Variants in PIK3C2A observed in about 807,000 individuals in gnomAD.
PIK3C2A encodes phosphatidylinositol-4-phosphate 3-kinase catalytic subunit type 2 alpha, also known as phosphatidylinositol 4-phosphate 3-kinase C2 domain-containing subunit alpha.
In PIK3C2A, 97 loss-of-function variants were observed where a neutral mutation model predicts 204.5. That is an observed-to-expected ratio of 0.47 (90% confidence interval 0.40 to 0.56). The LOEUF is 0.56. Ranked by LOEUF, PIK3C2A falls within the 20% of genes least tolerant of loss-of-function variation. The pLI is 0.00. For synonymous variants in PIK3C2A, 653 were observed against 664.4 expected, an observed-to-expected ratio of 0.98 and a Z score of 0.26; for missense variants, 1,735 against 1,969.2, an observed-to-expected ratio of 0.88 and a Z score of 2.25.
At chr11:17,126,446 C>A (rs925694498) in intron 13 of PIK3C2A, among the ~76,000 whole-genome samples, 1 of 152,108 alleles carries the variant, frequency 6.6e-6, no homozygotes, top group African/African-American at 2.4e-5. Flanking sequence ...AATGAAATGC[C>A]TTTGAGTCAT....
chr11:17,169,381 G>GCCT lies in PIK3C2A; in HGVS notation c.360_361insAGG (p.Thr120_Pro121insArg). The GCCT allele has an allele frequency of 1.2e-6, 2 of 1,614,044 alleles. No homozygotes were observed. Among genetic ancestry groups the GCCT allele is most frequent in the Non-Finnish European group, 1.7e-6 (2 of 1,179,980 alleles). ...GCTGAAAAGGAAGGGCTCAGAATAG[G>GCCT]AGTAACTGGTAATACAGGTGTTTTT... is the stretch of plus-strand genomic sequence containing the variant. On this transcript the variant is annotated inframe_insertion, in exon 2 of 33. Transcript: ENST00000691414.
At chr11:17,109,254 T>C (rs889966446) in intron 22 of PIK3C2A, among the ~76,000 whole-genome samples, 13 of 152,252 alleles carry the variant, frequency 8.5e-5, no homozygotes, top group Non-Finnish European at 1.8e-4. Context: ...TTACAACTTT[T>C]AGAGCTTTCA....
intron 8 of PIK3C2A, among the ~76,000 whole-genome samples, chr11:17,137,283 T>A (rs772518024): frequency 9.2e-5 from 14 of 152,148 alleles, no homozygotes; most frequent in African/African-American, 1.2e-4. Context: ...TACCCTGTAG[T>A]CCTCGGAGCC....
intron 11 of PIK3C2A, among the ~76,000 whole-genome samples, chr11:17,133,404 C>A (rs1436884273): frequency 6.6e-6 from 1 of 151,966 alleles, no homozygotes; most frequent in African/African-American, 2.4e-5. Flanking sequence ...CTACTGAATC[C>A]CCGGTACTAA....
intron 20 of PIK3C2A, among the ~76,000 whole-genome samples, chr11:17,112,998 T>A (rs553548551): frequency 5.9e-5 from 9 of 151,848 alleles, no homozygotes; most frequent in African/African-American, 2.2e-4. Context: ...CACATGAGAA[T>A]TGCTTTTTCA....
chr11:17,205,663 G>C (rs1852545934), intron 1 of PIK3C2A, among the ~76,000 whole-genome samples: 1 of 152,104 alleles, frequency 6.6e-6, no homozygotes, highest in Non-Finnish European at 1.5e-5. Context: ...TTGTGCTACA[G>C]AAAGAGTCCT....
At chr11:17,094,199 C>A in intron 28 of PIK3C2A, 62 bp downstream of exon 28, 1 of 1,298,468 alleles carries the variant, frequency 7.7e-7, no homozygotes, top group Non-Finnish European at 1.1e-6. Context: ...AAGCTTTCTA[C>A]CTACATTTGA....
rs150999201 is a variant in PIK3C2A, at chr11:17,122,197, G to A, written c.2648C>T (p.Ser883Leu). The change falls in exon 15 of 33, where the codon TCA becomes TTA. Residue 883 changes from serine to leucine, a missense_variant. Transcript: ENST00000691414. ...AATAAACAGAACATACCCAAGTGAT[G>A]AGTCTTTATGAAGAATATCAAGAAG... is the stretch of plus-strand genomic sequence containing the variant. ...GKLLDILHKD[S>L]SLGLSKEDKA... 1.3e-6 allele frequency: 2 copies of A among 1,581,576 alleles called. No homozygotes were observed. The highest frequency in any genetic ancestry group is 2.2e-5 in the East Asian group (1 of 44,492).
At chr11:17,155,387 G>GTGGTT in intron 3 of PIK3C2A, 139 bp downstream of exon 3, 1 of 538,356 alleles carries the variant, frequency 1.9e-6, no homozygotes, top group African/African-American at 1.9e-5. Flanking sequence ...TTGTGATAAC[G>GTGGTT]TGCCAATTAA....
intron 11 of PIK3C2A, among the ~76,000 whole-genome samples, chr11:17,133,679 G>C (rs971318485): frequency 6.6e-6 from 1 of 152,084 alleles, no homozygotes; most frequent in Non-Finnish European, 1.5e-5. Flanking sequence ...TGTAATCCCA[G>C]AACTTTGGGA....
At chr11:17,174,041 G>A (rs776534279) in intron 1 of PIK3C2A, among the ~76,000 whole-genome samples, 15 of 151,932 alleles carry the variant, frequency 9.9e-5, no homozygotes, top group Non-Finnish European at 1.8e-4. Flanking sequence ...GGCCAGGCTG[G>A]TCTTGAACTC....
At chr11:17,134,341 A>G (rs1849801737) in intron 11 of PIK3C2A, among the ~76,000 whole-genome samples, 1 of 150,770 alleles carries the variant, frequency 6.6e-6, no homozygotes, top group Admixed American at 6.6e-5. Flanking sequence ...AGTAGCTGGG[A>G]CTACAGGTGC....
intron 6 of PIK3C2A, 144 bp from the exon 7 acceptor site, chr11:17,146,086 T>C (rs1850234173): frequency 1.6e-6 from 1 of 608,496 alleles, no homozygotes; most frequent in African/African-American, 1.8e-5. Flanking sequence ...CAGAATTAAA[T>C]ATTATTTGTA....
At chr11:17,197,309 C>T (rs1255997277) in intron 1 of PIK3C2A, among the ~76,000 whole-genome samples, 1 of 152,084 alleles carries the variant, frequency 6.6e-6, no homozygotes, top group Non-Finnish European at 1.5e-5. Context: ...CATGAGCCAC[C>T]GCACCTGGCC....
chr11:17,181,752 T>C (rs1851575668), intron 1 of PIK3C2A, among the ~76,000 whole-genome samples: 1 of 151,026 alleles, frequency 6.6e-6, no homozygotes, highest in East Asian at 1.9e-4. Flanking sequence ...ACTATTTTAT[T>C]TAAGAATGCT....
intron 1 of PIK3C2A, among the ~76,000 whole-genome samples, chr11:17,195,607 CGTT>C (rs1391424819): frequency 6.6e-6 from 1 of 151,238 alleles, no homozygotes; most frequent in African/African-American, 2.4e-5. Context: ...ACATAGCAGT[CGTT>C]GTTGCTGTCG....
intron 1 of PIK3C2A, among the ~76,000 whole-genome samples, chr11:17,170,141 T>C (rs1362799278): frequency 6.6e-6 from 1 of 152,226 alleles, no homozygotes; most frequent in Admixed American, 6.5e-5. Context: ...TAGCATGAAA[T>C]GACTTAAGTG....
intron 1 of PIK3C2A, among the ~76,000 whole-genome samples, chr11:17,180,228 A>T (rs1048633305): frequency 3.9e-5 from 6 of 152,036 alleles, no homozygotes; most frequent in African/African-American, 1.5e-4. Context: ...TATATATATA[A>T]AAATCAGCAG....
At chr11:17,196,932 TG>T (rs1357537763) in intron 1 of PIK3C2A, among the ~76,000 whole-genome samples, 1 of 151,980 alleles carries the variant, frequency 6.6e-6, no homozygotes, top group East Asian at 1.9e-4. Context: ...AGCCACAACC[TG>T]GACATAAAAA....
Sources: gnomAD v4.1 joint callset for allele counts (sites outside exome capture counted in the v4.1 genomes callset) on GRCh38, gnomAD v4.1.1 for gene constraint, MANE v1.5 for transcripts, NCBI Gene and HGNC (gene_info 2026-07-23, HGNC 2026-07-21) for gene names.